PHACTR2: variants seen among roughly 807,000 people sequenced by gnomAD.
PHACTR2 encodes chromosome 6 open reading frame 56.
Under a neutral mutation model 76.0 loss-of-function variants are expected in PHACTR2, and 30 were observed. The observed-to-expected ratio is 0.39, with a 90% CI of 0.30 to 0.54. The LOEUF (loss-of-function observed/expected upper bound fraction) is 0.54. Ranked by LOEUF, PHACTR2 falls within the 20% of genes least tolerant of loss-of-function variation. PHACTR2 has a pLI of 0.61. For synonymous variants in PHACTR2, 292 were observed against 292.5 expected (o/e 1.00, Z 0.02); for missense variants, 696 against 781.1 (o/e 0.89, Z 1.30).
rs933325688 is a variant in PHACTR2 at position 143,596,306 on chromosome 6, G to A, written c.217+59099G>A. On this transcript the variant is annotated intron_variant, in intron 1 of 11. Coordinates refer to the PHACTR2 transcript ENST00000367584. This position sits in a 1 kb window ranked among gnomAD's most constrained non-coding sequence, Gnocchi z 4.6. Reference sequence around the variant, plus strand: ...ATGTTCTGTTTTCCAAGTTGGGAGCGGCTAACTAAGCGGGTCGTCCTTTCT... The same window carrying A: ...ATGTTCTGTTTTCCAAGTTGGGAGCAGCTAACTAAGCGGGTCGTCCTTTCT... 1.7e-4 allele frequency among the ~76,000 whole-genome samples: 26 copies of A among 151,478 alleles called. No homozygotes were observed. Among genetic ancestry groups the A allele is most frequent in the African/African-American group, 4.9e-4 (20 of 41,150 alleles).
chr6:143,727,163 A>C (rs966616244), intron 2 of PHACTR2, among the ~76,000 whole-genome samples: 4 of 152,262 alleles, frequency 2.6e-5, no homozygotes, highest in African/African-American at 9.6e-5. Flanking sequence ...TACCTCTATC[A>C]GATCAACTGT....
At chr6:143,573,241 A>G (rs6905264) in intron 1 of PHACTR2, among the ~76,000 whole-genome samples, 93,303 of 152,112 alleles carry the variant, frequency 0.61, 28,954 homozygotes, top group Middle Eastern at 0.72. Context: ...CATGTGATTT[A>G]GAGAGATTGA....
chr6:143,616,196 A>G lies in PHACTR2; in HGVS notation c.13+7874A>G, dbSNP rs1776056932. On this transcript the variant is annotated intron_variant, in intron 1 of 11. Coordinates refer to the PHACTR2 transcript ENST00000305766. The surrounding 1 kb of genome is among the most constrained non-coding windows in gnomAD (Gnocchi z 4.9). ...AATTATTTTGAATTTTTTTCACATA[A>G]ACCAATTTTTTCCAAATATTTAATC... 6.6e-6 allele frequency among the ~76,000 whole-genome samples: 1 copy of G among 152,170 alleles called. No individual in the cohort carries two copies. Among genetic ancestry groups the G allele is most frequent in the Non-Finnish European group, 1.5e-5 (1 of 68,028 alleles).
intron 1 of PHACTR2, among the ~76,000 whole-genome samples, chr6:143,634,589 T>G (rs893376431): frequency 1.3e-5 from 2 of 152,218 alleles, no homozygotes; most frequent in African/African-American, 4.8e-5. Flanking sequence ...AGGAGTCTGA[T>G]AGTGAGGATG....
Position 143,823,554 on chromosome 6 carries a change from T to G in PHACTR2, c.1923-120T>G. On this transcript the variant is annotated intron_variant, in intron 12 of 12. Transcript: ENST00000440869. This position sits in a 1 kb window ranked among gnomAD's most constrained non-coding sequence, Gnocchi z 5.7. ...TATGACAGAAATTTGTAAACAGTAATTCAGTTGGGGGATATCTGGGGTACC... is the reference window on the plus strand; with the variant it reads ...TATGACAGAAATTTGTAAACAGTAAGTCAGTTGGGGGATATCTGGGGTACC... 1.5e-6 allele frequency: 1 copy of G among 679,554 alleles called. No individual in the cohort carries two copies. The highest frequency in any genetic ancestry group is 1.9e-5 in the South Asian group (1 of 54,050). 42.1% of individuals were successfully genotyped at this position (679,554 alleles called of 1,614,324 possible).
Position 143,777,378 on chromosome 6 carries a change from TA to T in PHACTR2, c.1644del (p.Lys548AsnfsTer25). Reference sequence around the variant, plus strand: ...GAAGAATTAGAGCAAAGAAACATCCTAAAACGTGAGTATTCTATACTATAGA... The same window carrying T: ...GAAGAATTAGAGCAAAGAAACATCCTAAACGTGAGTATTCTATACTATAGA... ...TTEELEQRNI[L>X]KQKNEEEEQE... On this transcript the variant is annotated frameshift_variant, in exon 9 of 13. Coordinates refer to ENST00000440869, the MANE Select transcript of PHACTR2 (RefSeq NM_001100164.2). LOFTEE classifies it high-confidence loss of function. The surrounding 1 kb of genome is among the most constrained non-coding windows in gnomAD (Gnocchi z 4.6). 6.3e-7 allele frequency: 1 copy of T among 1,576,250 alleles called. No homozygotes were observed. The highest frequency in any genetic ancestry group is 8.7e-7 in the Non-Finnish European group (1 of 1,147,422).
At chr6:143,567,164 A>G (rs1775375437) in intron 1 of PHACTR2, among the ~76,000 whole-genome samples, 1 of 152,110 alleles carries the variant, frequency 6.6e-6, no homozygotes, top group Non-Finnish European at 1.5e-5. Context: ...TCGAAGTACC[A>G]AAGTGACTTT....
chr6:143,631,124 T>A (rs1776356061), intron 1 of PHACTR2, among the ~76,000 whole-genome samples: 2 of 152,232 alleles, frequency 1.3e-5, no homozygotes, highest in African/African-American at 4.8e-5. Flanking sequence ...GTATCTAACA[T>A]GCCATATGTT....
Position 143,742,204 on chromosome 6 carries a change from A to T in PHACTR2, c.215-6781A>T, listed in dbSNP as rs763633908. 2.0e-5 allele frequency among the ~76,000 whole-genome samples: 3 copies of T among 152,122 alleles called. No homozygotes were observed. Among genetic ancestry groups the T allele is most frequent in the Non-Finnish European group, 4.4e-5 (3 of 68,028 alleles). ...ACAAACTTAATGAAAGAGAGAACTC[A>T]TTGGCTCATGTAACTGAAAAATCCA... On this transcript the variant is annotated intron_variant, in intron 2 of 12. Transcript: ENST00000440869. The surrounding 1 kb of genome is among the most constrained non-coding windows in gnomAD (Gnocchi z 4.5).
At chr6:143,622,437 C>T (rs1300824427) in intron 1 of PHACTR2, among the ~76,000 whole-genome samples, 1 of 152,158 alleles carries the variant, frequency 6.6e-6, no homozygotes. Context: ...GGAAACTGCT[C>T]AAGGGCAATG....
At position 143,678,310 on chromosome 6, in the gene PHACTR2, C is replaced by G. The variant is rs997835836; in HGVS notation, c.46+101C>G. The G allele has an allele frequency of 8.0e-6, 9 of 1,127,720 alleles. No individual in the cohort carries two copies. Among genetic ancestry groups the G allele is most frequent in the Admixed American group, 4.1e-5 (1 of 24,298 alleles). 69.9% of individuals were successfully genotyped at this position (1,127,720 alleles called of 1,614,324 possible). Reference sequence around the variant, plus strand: ...GTTAGTCGTCTGGTCGGGTTCCGCTCGGACCCGCCAAGTCCCTCGGAGAAA... The same window carrying G: ...GTTAGTCGTCTGGTCGGGTTCCGCTGGGACCCGCCAAGTCCCTCGGAGAAA... On this transcript the variant is annotated intron_variant, in intron 1 of 12. Coordinates refer to ENST00000440869, the MANE Select transcript of PHACTR2 (RefSeq NM_001100164.2). This position sits in a 1 kb window ranked among gnomAD's most constrained non-coding sequence, Gnocchi z 6.2.
intron 1 of PHACTR2, among the ~76,000 whole-genome samples, chr6:143,628,746 G>C (rs1217665620): frequency 6.6e-6 from 1 of 151,726 alleles, no homozygotes; most frequent in Non-Finnish European, 1.5e-5. Flanking sequence ...TCAGGGCAGG[G>C]AGGGGCTGAA....
chr6:143,555,651 A>G (rs1444347887), intron 1 of PHACTR2, among the ~76,000 whole-genome samples: 1 of 152,142 alleles, frequency 6.6e-6, no homozygotes, highest in Non-Finnish European at 1.5e-5. Flanking sequence ...ATGTCTGGCC[A>G]TAGGCAAATA....
chr6:143,613,909 C>T (rs1776020267), intron 1 of PHACTR2, among the ~76,000 whole-genome samples: 1 of 152,128 alleles, frequency 6.6e-6, no homozygotes, highest in African/African-American at 2.4e-5. Flanking sequence ...CAGCATTCAA[C>T]AGGTTTCTTA....
At chr6:143,699,587 G>A (rs1231347786) in intron 1 of PHACTR2, among the ~76,000 whole-genome samples, 1 of 152,098 alleles carries the variant, frequency 6.6e-6, no homozygotes, top group Non-Finnish European at 1.5e-5. Context: ...CTGACTGTCC[G>A]TTGGACATCT....
chr6:143,674,181 TAC>T (rs1777203155), upstream of PHACTR2, among the ~76,000 whole-genome samples: 2 of 152,180 alleles, frequency 1.3e-5, no homozygotes, highest in African/African-American at 2.4e-5. The surrounding 1 kb of genome is among the most constrained non-coding windows in gnomAD (Gnocchi z 4.9). Flanking sequence ...TAGTTACATA[TAC>T]AGAGTTTTCA....
chr6:143,752,543 A>C (rs1009217793), intron 3 of PHACTR2, among the ~76,000 whole-genome samples: 2 of 152,060 alleles, frequency 1.3e-5, no homozygotes, highest in African/African-American at 4.8e-5. Flanking sequence ...TTTACACGGG[A>C]CTTAGTTATA....
intron 1 of PHACTR2, chr6:143,555,303 TATTTTCTTGGGGGTAAGTTAAA>T (rs1775158425): frequency 6.6e-6 from 1 of 152,200 alleles, no homozygotes; most frequent in Non-Finnish European, 1.5e-5. Context: ...AAATTCAGGA[TATTTTCTTGGGGGTAAGTTAAA>T]ATGTAGGACG....
chr6:143,678,012 G>T lies in PHACTR2; in HGVS notation c.-152G>T, dbSNP rs1293397758. ...CGCCGGCTGCGGCCGGCCGGGCTGG[G>T]AGACCCGCGCGGGGTAGAAGGTGAG... On this transcript the variant is annotated 5_prime_UTR_variant, in exon 1 of 13. Coordinates refer to ENST00000440869, the MANE Select transcript of PHACTR2 (RefSeq NM_001100164.2). The surrounding 1 kb of genome is among the most constrained non-coding windows in gnomAD (Gnocchi z 6.2). 1 of 1,475,282 alleles carries T rather than the reference G, an allele frequency of 6.8e-7. No homozygotes were observed. The allele number at this position is 1,475,282 out of a possible 1,614,324, so 91.4% of individuals were successfully genotyped here. A position where few individuals can be genotyped will look rare whatever the true frequency, so the allele number is the denominator to read the frequency against.
Sources: allele counts gnomAD v4.1 joint callset (sites outside exome capture counted in the v4.1 genomes callset), GRCh38; gene constraint gnomAD v4.1.1; non-coding constraint Gnocchi (gnomAD v3.1); transcripts MANE v1.5; gene names NCBI Gene and HGNC (gene_info 2026-07-23, HGNC 2026-07-21).